The following NUMB variants were observed in gnomAD, a reference collection of about 807,000 sequenced individuals.
The protein encoded by NUMB is NUMB endocytic adaptor protein.
In NUMB, 29 loss-of-function variants were observed where a neutral mutation model predicts 59.7. The ratio of observed to expected loss-of-function variants is 0.49; its 90% CI spans 0.36 to 0.66. NUMB has a LOEUF of 0.66. NUMB is among the 30% of genes least tolerant of loss of function. NUMB has a pLI of 0.00. For synonymous variants in NUMB, 288 were observed against 288.2 expected (o/e 1.00, Z 0.01); for missense variants, 723 against 822.0 (o/e 0.88, Z 1.47).
chr14:73,400,379 GA>G (rs1356871420), intron 2 of NUMB, among the ~76,000 whole-genome samples: 1 of 152,204 alleles, frequency 6.6e-6, no homozygotes, highest in Non-Finnish European at 1.5e-5. Context: ...CAAAATCCTT[GA>G]AAGTACAACA....
At chr14:73,394,088 C>T (rs903487393) in intron 2 of NUMB, among the ~76,000 whole-genome samples, 2 of 152,200 alleles carry the variant, frequency 1.3e-5, no homozygotes, top group African/African-American at 2.4e-5. Flanking sequence ...GCCTTAGCCT[C>T]CCAAGTAGCT....
chr14:73,288,408 G>A (rs34582363), intron 8 of NUMB, among the ~76,000 whole-genome samples: 37,898 of 151,808 alleles, frequency 0.25, 5,575 homozygotes, highest in East Asian at 0.68. Context: ...AAAATTAGCC[G>A]GATGTGGTGG....
chr14:73,372,319 ATATATATATATATATATAACCTTT>A (rs1396064092), intron 2 of NUMB, among the ~76,000 whole-genome samples: 6 of 107,770 alleles, frequency 5.6e-5, no homozygotes, highest in Middle Eastern at 4.9e-3. Context: ...ATATATATAT[ATATATATATATATATATAACCTTT>A]TATATATATA....
At chr14:73,352,491 T>C (rs1275016564) in intron 4 of NUMB, among the ~76,000 whole-genome samples, 109 of 7,436 alleles carry the variant, frequency 0.015, 12 homozygotes, top group East Asian at 0.038. Context: ...TATATATATA[T>C]ATATATATAT....
chr14:73,339,561 T>C (rs182874940), intron 4 of NUMB, among the ~76,000 whole-genome samples: 2 of 152,290 alleles, frequency 1.3e-5, no homozygotes, highest in East Asian at 1.9e-4. Flanking sequence ...TGTTTTTGTT[T>C]TTTGGTTTTA....
rs141018695 is a variant in NUMB, at chr14:73,426,480, G to A, written c.-232-16412C>T. On this transcript the variant is annotated intron_variant, in intron 1 of 12. Transcript: ENST00000555238. ...TCAGCAATTTGGGAGGCCAAGGCAG[G>A]AGGATCACTTGAGCCCAGGAGTTTG... Among the ~76,000 whole-genome samples, 9 of 152,196 alleles carry A rather than the reference G, an allele frequency of 5.9e-5. No homozygotes were observed. The East Asian group carries it at 1.7e-3, about 29-fold the overall frequency.
intron 1 of NUMB, among the ~76,000 whole-genome samples, chr14:73,441,350 C>G (rs769385817): frequency 6.6e-6 from 1 of 151,870 alleles, no homozygotes; most frequent in Non-Finnish European, 1.5e-5. Flanking sequence ...GAATTCGAGT[C>G]CAACCTGGCC....
intron 3 of NUMB, among the ~76,000 whole-genome samples, chr14:73,360,130 T>C (rs1261967632): frequency 2.0e-5 from 3 of 152,242 alleles, no homozygotes; most frequent in Non-Finnish European, 4.4e-5. Context: ...GGCTTTCCAA[T>C]GTATCTTCAA....
chr14:73,352,505 TATATATATATATATATATATA>T (rs1893417816), intron 4 of NUMB, among the ~76,000 whole-genome samples: 4 of 15,154 alleles, frequency 2.6e-4, no homozygotes, highest in African/African-American at 5.0e-4. Flanking sequence ...TATATATATA[TATATATATATATATATATATA>T]TATGTTTTTT....
At chr14:73,357,972 A>T (rs1893897610) in intron 3 of NUMB, among the ~76,000 whole-genome samples, 1 of 151,480 alleles carries the variant, frequency 6.6e-6, no homozygotes, top group African/African-American at 2.4e-5. Flanking sequence ...TCGTCTTAGC[A>T]AAGACAACTA....
intron 8 of NUMB, among the ~76,000 whole-genome samples, chr14:73,289,271 G>C (rs1386870614): frequency 1.3e-5 from 2 of 152,158 alleles, no homozygotes; most frequent in African/African-American, 4.8e-5. Flanking sequence ...AGATAAAACT[G>C]GTTTGTGTAT....
intron 4 of NUMB, among the ~76,000 whole-genome samples, chr14:73,335,079 C>A (rs1375351740): frequency 1.3e-5 from 2 of 151,636 alleles, no homozygotes; most frequent in Non-Finnish European, 2.9e-5. Context: ...CTTTCATTTT[C>A]CATATTAAGG....
At chr14:73,329,552 G>C (rs1385593665) in intron 4 of NUMB, among the ~76,000 whole-genome samples, 1 of 152,106 alleles carries the variant, frequency 6.6e-6, no homozygotes, top group East Asian at 1.9e-4. Flanking sequence ...TGACTCTATG[G>C]ATGCGGAGGG....
intron 6 of NUMB, among the ~76,000 whole-genome samples, chr14:73,304,068 T>G (rs1205473353): frequency 6.6e-6 from 1 of 152,150 alleles, no homozygotes; most frequent in Admixed American, 6.5e-5. Flanking sequence ...TATTACAAAT[T>G]ACTAAATCAG....
chr14:73,417,601 AAAAC>A (rs1275233834), intron 1 of NUMB, among the ~76,000 whole-genome samples: 1 of 152,192 alleles, frequency 6.6e-6, no homozygotes, highest in Non-Finnish European at 1.5e-5. Flanking sequence ...ATAATGTAAA[AAAAC>A]AAAATCAGTA....
chr14:73,389,272 C>CAAAAAAAAAAAAAA (rs869074049), intron 2 of NUMB, among the ~76,000 whole-genome samples: 32 of 66,448 alleles, frequency 4.8e-4, no homozygotes, highest in African/African-American at 1.6e-3. Context: ...CTCCATCTCT[C>CAAAAAAAAAAAAAA]AAAAAAAAAA....
chr14:73,413,982 T>C (rs1314097552), intron 1 of NUMB, among the ~76,000 whole-genome samples: 11 of 149,898 alleles, frequency 7.3e-5, no homozygotes, highest in Non-Finnish European at 1.6e-4. Flanking sequence ...TGATACAGAG[T>C]CTCACTCTGT....
chr14:73,368,532 G>A lies in NUMB; in HGVS notation c.-100-1551C>T, dbSNP rs561683939. Among the ~76,000 whole-genome samples, 56 of 151,772 alleles carry A rather than the reference G, an allele frequency of 3.7e-4. 1 individual carries two copies. The highest frequency in any genetic ancestry group is 1.3e-3 in the African/African-American group (54 of 41,396). ...TGGGAGGCGGAGGTTACAGTGAGCCGAGATCGCGCCATTGCACTCCAGCCT... is the reference window on the plus strand; with the variant it reads ...TGGGAGGCGGAGGTTACAGTGAGCCAAGATCGCGCCATTGCACTCCAGCCT... On this transcript the variant is annotated intron_variant, in intron 2 of 12. Transcript: ENST00000555238.
chr14:73,369,457 TA>T (rs1177963569), intron 2 of NUMB, among the ~76,000 whole-genome samples: 1 of 152,172 alleles, frequency 6.6e-6, no homozygotes. Context: ...AAAAAAGACT[TA>T]AAATAAGACT....
Sources: gnomAD v4.1 joint callset for allele counts (sites outside exome capture counted in the v4.1 genomes callset) on GRCh38, gnomAD v4.1.1 for gene constraint, MANE v1.5 for transcripts, NCBI Gene and HGNC (gene_info 2026-07-23, HGNC 2026-07-21) for gene names.